ADAM12: variants seen among roughly 807,000 people sequenced by gnomAD.
ADAM12 encodes disintegrin and metalloproteinase domain-containing protein 12.
A neutral mutation model predicts 106.4 loss-of-function variants in ADAM12; 70 were observed. The observed-to-expected ratio is 0.66, with a 90% CI of 0.54 to 0.80. The LOEUF is 0.80. Among genes scored for constraint, ADAM12 ranks in the 30% least tolerant of loss-of-function variants. The pLI is 0.00. For synonymous variants in ADAM12, 420 were observed against 433.5 expected, an observed-to-expected ratio of 0.97 and a Z score of 0.39; for missense variants, 1,010 against 1,171.9, an observed-to-expected ratio of 0.86 and a Z score of 2.02.
At chr10:126,067,373 C>G (rs956597061) in intron 12 of ADAM12, among the ~76,000 whole-genome samples, 1 of 152,222 alleles carries the variant, frequency 6.6e-6, no homozygotes, top group Admixed American at 6.5e-5. Context: ...TTCCATCACT[C>G]GGAAAGTCAG....
At chr10:126,372,331 A>C (rs1856138308) in intron 1 of ADAM12, among the ~76,000 whole-genome samples, 1 of 152,216 alleles carries the variant, frequency 6.6e-6, no homozygotes, top group Non-Finnish European at 1.5e-5. Context: ...ATTACAAAAC[A>C]CATTCCCCAA....
At chr10:126,249,939 T>C (rs1364863181) in intron 3 of ADAM12, among the ~76,000 whole-genome samples, 1 of 152,142 alleles carries the variant, frequency 6.6e-6, no homozygotes. Flanking sequence ...AACTGGGTCT[T>C]AGTATCCTCA....
chr10:126,170,991 A>T (rs1957109896), intron 3 of ADAM12, among the ~76,000 whole-genome samples: 1 of 152,170 alleles, frequency 6.6e-6, no homozygotes, highest in African/African-American at 2.4e-5. Context: ...TCATTGATGG[A>T]TTTCTCTCCA....
At chr10:126,027,403 A>G (rs1953894221) in intron 21 of ADAM12, among the ~76,000 whole-genome samples, 1 of 146,356 alleles carries the variant, frequency 6.8e-6, no homozygotes, top group Admixed American at 6.8e-5. Flanking sequence ...TGGTACCAAC[A>G]CCTGGGAGAG....
chr10:126,302,698 G>A (rs1378417269), intron 2 of ADAM12, among the ~76,000 whole-genome samples: 1 of 152,156 alleles, frequency 6.6e-6, no homozygotes, highest in Admixed American at 6.5e-5. Flanking sequence ...ACCACCAATG[G>A]TGAGGATGTT....
chr10:126,289,553 C>T (rs1960050144), intron 2 of ADAM12, among the ~76,000 whole-genome samples: 1 of 152,168 alleles, frequency 6.6e-6, no homozygotes, highest in Non-Finnish European at 1.5e-5. Context: ...GTTCCAAGAC[C>T]CAGTTCATTT....
At chr10:126,062,646 A>G (rs919145541) in intron 14 of ADAM12, among the ~76,000 whole-genome samples, 2 of 152,146 alleles carry the variant, frequency 1.3e-5, no homozygotes, top group Non-Finnish European at 1.5e-5. Flanking sequence ...GAGTCACACA[A>G]TGGGGGTGGC....
rs529704055 is a variant in ADAM12, at chr10:126,381,498, T to A, written c.88+6560A>T. Among the ~76,000 whole-genome samples, 25 of 152,048 alleles carry A rather than the reference T, an allele frequency of 1.6e-4. No homozygotes were observed. In the South Asian group the frequency reaches 3.7e-3, roughly 23 times the overall value. On this transcript the variant is annotated intron_variant, in intron 1 of 22. Transcript: ENST00000448723. ...TATAAAAATTTAAAAATTATATTTT[T>A]TAAAAAAAAACTTTTGAGACAGACT...
chr10:126,166,527 C>A (rs1590543770), intron 3 of ADAM12, among the ~76,000 whole-genome samples: 1 of 148,756 alleles, frequency 6.7e-6, no homozygotes, highest in Non-Finnish European at 1.5e-5. Context: ...GAGACGGAGT[C>A]TCGTTTTATC....
Position 126,121,069 on chromosome 10 carries a change from A to ATATATTATATATTAGATGTATAATATAC in ADAM12, c.417-2873_417-2846dup, listed in dbSNP as rs1956083649. On this transcript the variant is annotated intron_variant, in intron 5 of 22. Coordinates refer to ENST00000448723, the MANE Select transcript of ADAM12 (RefSeq NM_001288973.2). ...AATATATTATATGCAATATAATTAA[A>ATATATTATATATTAGATGTATAATATAC]TATATTATATATTAGATGTATAATA... Among the ~76,000 whole-genome samples, 18 of 106,084 alleles carry ATATATTATATATTAGATGTATAATATAC rather than the reference A, an allele frequency of 1.7e-4. No homozygotes were observed. The South Asian group carries it at 4.8e-3, about 28-fold the overall frequency. The allele number at this position is 106,084 out of a possible 152,430, so 69.6% of individuals were successfully genotyped here.
intron 3 of ADAM12, among the ~76,000 whole-genome samples, chr10:126,231,534 T>C (rs1489976727): frequency 6.6e-6 from 1 of 152,222 alleles, no homozygotes; most frequent in Non-Finnish European, 1.5e-5. Flanking sequence ...GTGGTCGTGA[T>C]GTGCTGCTTT....
At chr10:126,172,905 C>T (rs1957144827) in intron 3 of ADAM12, among the ~76,000 whole-genome samples, 1 of 152,206 alleles carries the variant, frequency 6.6e-6, no homozygotes, top group Non-Finnish European at 1.5e-5. Context: ...GGCACATATA[C>T]ACCATGGAAT....
chr10:126,266,352 C>A (rs1447406950), intron 3 of ADAM12, among the ~76,000 whole-genome samples: 2 of 151,992 alleles, frequency 1.3e-5, no homozygotes, highest in Non-Finnish European at 2.9e-5. Flanking sequence ...CCTGGTCTGA[C>A]CATCAAAATG....
At chr10:126,366,440 A>G (rs1283404761) in intron 1 of ADAM12, among the ~76,000 whole-genome samples, 1 of 150,566 alleles carries the variant, frequency 6.6e-6, no homozygotes, top group Non-Finnish European at 1.5e-5. Flanking sequence ...ATATAATAAT[A>G]AAATGAAGAA....
intron 5 of ADAM12, among the ~76,000 whole-genome samples, chr10:126,128,573 G>A (rs1440835752): frequency 4.6e-5 from 7 of 150,758 alleles, no homozygotes; most frequent in Non-Finnish European, 7.4e-5. Flanking sequence ...GGGCGCCTGT[G>A]CATGTCAGTG....
chr10:126,258,469 C>G (rs1958936996), intron 3 of ADAM12, among the ~76,000 whole-genome samples: 1 of 152,204 alleles, frequency 6.6e-6, no homozygotes, highest in Admixed American at 6.5e-5. Flanking sequence ...GCTCTTGATA[C>G]TTTTTGTTTC....
chr10:126,046,248 C>A, intron 16 of ADAM12, 116 bp from the exon 17 acceptor site: 1 of 913,188 alleles, frequency 1.1e-6, no homozygotes. Flanking sequence ...GAAGACCCAA[C>A]CTTGTCTCAG....
At chr10:126,172,113 C>T (rs963967640) in intron 3 of ADAM12, among the ~76,000 whole-genome samples, 1 of 152,190 alleles carries the variant, frequency 6.6e-6, no homozygotes, top group African/African-American at 2.4e-5. Context: ...TCCAAACTTA[C>T]TGAATTAATC....
chr10:126,348,952 T>A (rs1038807875), intron 1 of ADAM12, among the ~76,000 whole-genome samples: 2 of 152,238 alleles, frequency 1.3e-5, no homozygotes, highest in Admixed American at 1.3e-4. Context: ...TATCTGGCAA[T>A]CCTAGGTCCA....
Sources: gnomAD v4.1 joint callset for allele counts (sites outside exome capture counted in the v4.1 genomes callset) on GRCh38, gnomAD v4.1.1 for gene constraint, MANE v1.5 for transcripts, NCBI Gene and HGNC (gene_info 2026-07-23, HGNC 2026-07-21) for gene names.